DPPA4: variants seen among roughly 807,000 people sequenced by gnomAD.
DPPA4 encodes developmental pluripotency-associated protein 4.
In DPPA4, 22 loss-of-function variants were observed where a neutral mutation model predicts 33.7. The observed-to-expected ratio is 0.65, with a 90% CI of 0.47 to 0.93. The LOEUF is 0.93. Among genes scored for constraint, DPPA4 ranks in the 40% least tolerant of loss-of-function variants. The pLI, the probability that DPPA4 is intolerant of heterozygous loss-of-function variation, is 0.00. For missense variants in DPPA4, 340 were observed against 358.6 expected (o/e 0.95, Z 0.42); for synonymous variants, 156 against 132.3 (o/e 1.18, Z -1.23).
chr3:109,329,139 C>T (rs756638413), intron 5 of DPPA4, 51 bp from the exon 6 acceptor site: 85 of 1,544,302 alleles, frequency 5.5e-5, no homozygotes, highest in Non-Finnish European at 2.9e-5. Context: ...GGATGACATA[C>T]TGATGTAAGA....
rs947201148 is a variant in DPPA4 at position 109,330,602 on chromosome 3, C to G, written c.601G>C (p.Ala201Pro). ...TVVVTTSAPE[A>P]LLASWARISA... is the part of the protein sequence containing the mutation. ...ATTCTCGCCCAGGAGGCCAGCAAAG[C>G]CTCTGGGGCAGAAGTTGTCACCACA... Residue 201 changes from alanine (A) to proline (P), a missense_variant, in exon 5 of 7, where the codon GCT becomes CCT. By Grantham distance (27) the Ala-to-Pro change is conservative. This residue lies in a region of DPPA4 where 212 missense variants were observed against 206.5 expected (regional missense o/e 1.03). Transcript: ENST00000335658. 6.2e-7 allele frequency: 1 copy of G among 1,614,158 alleles called. No homozygotes were observed. Among genetic ancestry groups the G allele is most frequent in the Admixed American group, 1.7e-5 (1 of 60,022 alleles).
At chr3:109,330,334 A>G (rs202065559) in intron 5 of DPPA4, 190 bp downstream of exon 5, 24 of 37,298 alleles carry the variant, frequency 6.4e-4, no homozygotes, top group South Asian at 2.2e-3. Flanking sequence ...AAAAAAAAGG[A>G]AAAAAAAAAA....
intron 1 of DPPA4, among the ~76,000 whole-genome samples, chr3:109,336,766 G>C (rs1708223774): frequency 6.6e-6 from 1 of 152,144 alleles, no homozygotes. Flanking sequence ...AGTCCCAGTA[G>C]CACTTTGGTA....
chr3:109,331,629 G>A (rs566927708), intron 4 of DPPA4, 105 bp downstream of exon 4: 1 of 862,738 alleles, frequency 1.2e-6, no homozygotes, highest in East Asian at 2.5e-5. Context: ...CTTAGAACTA[G>A]GGGTGGAGGA....
Position 109,326,904 on chromosome 3 carries a change from T to C in DPPA4, c.*1084A>G, listed in dbSNP as rs1707947430. 1 of 152,174 alleles carries C rather than the reference T, an allele frequency of 6.6e-6. No homozygotes were observed. The highest frequency in any genetic ancestry group is 2.4e-5 in the African/African-American group (1 of 41,454). The allele number at this position is 152,174 out of a possible 1,614,324, so 9.4% of individuals were successfully genotyped here. ...AGTTAAGAACACTAACAATAAAATT[T>C]GCATGCAATGAATATGGTTCTCTAA... is the stretch of plus-strand genomic sequence containing the variant. On this transcript the variant is annotated 3_prime_UTR_variant, in exon 7 of 7. Coordinates refer to ENST00000335658, the MANE Select transcript of DPPA4 (RefSeq NM_018189.4).
rs1707932754 is a variant in DPPA4, at chr3:109,326,310, G to GGGGA, written c.*1674_*1677dup. On this transcript the variant is annotated 3_prime_UTR_variant, in exon 7 of 7. Transcript: ENST00000335658. Reference sequence around the variant, plus strand: ...AAACTTGACCCATCCAAATAAAGCAGGGGAGAAGTTTAAAAAGGAAACAAA... The same window carrying GGGGA: ...AAACTTGACCCATCCAAATAAAGCAGGGGAGGGAGAAGTTTAAAAAGGAAACAAA... 1 of 152,074 alleles carries GGGGA rather than the reference G, an allele frequency of 6.6e-6. No individual in the cohort carries two copies. The highest frequency in any genetic ancestry group is 2.4e-5 in the African/African-American group (1 of 41,390). 9.4% of individuals were successfully genotyped at this position (152,074 alleles called of 1,614,324 possible).
upstream of DPPA4, among the ~76,000 whole-genome samples, chr3:109,338,496 C>G (rs1708254981): frequency 6.6e-6 from 1 of 152,206 alleles, no homozygotes. Context: ...GAAACCCTCC[C>G]TTGTCAGGGT....
At chr3:109,339,322 C>T (rs1265314312), upstream of DPPA4, among the ~76,000 whole-genome samples, 1 of 152,214 alleles carries the variant, frequency 6.6e-6, no homozygotes, top group East Asian at 1.9e-4. Flanking sequence ...CCTTCACTAG[C>T]TGTGTGACCT....
chr3:109,336,950 G>A (rs1391339612), intron 1 of DPPA4, among the ~76,000 whole-genome samples: 1 of 151,968 alleles, frequency 6.6e-6, no homozygotes, highest in African/African-American at 2.4e-5. Context: ...CCCAAGCTGG[G>A]GGTGCAATGG....
rs537390228 is a variant in DPPA4 at position 109,330,839 on chromosome 3, T to TA, written c.391-28dup. On this transcript the variant is annotated intron_variant, in intron 4 of 6. Coordinates refer to ENST00000335658, the MANE Select transcript of DPPA4 (RefSeq NM_018189.4). ...TACAAAAAGGGTTAAATAATAAAGA[T>TA]AAAAATACAGATTAAAATTCTAACA... 488 of 1,550,958 alleles carry TA rather than the reference T, an allele frequency of 3.1e-4. 2 individuals carry two copies. The African/African-American group carries it at 6.4e-3, about 20-fold the overall frequency.
At chr3:109,331,564 A>AAAAAAAAG (rs1559708949) in intron 4 of DPPA4, among the ~76,000 whole-genome samples, 170 bp downstream of exon 4, 24 of 106,146 alleles carry the variant, frequency 2.3e-4, no homozygotes, top group Non-Finnish European at 3.4e-4. Flanking sequence ...AAAAAAAAAA[A>AAAAAAAAG]AAAGAAAGAA....
chr3:109,333,999 G>C lies in DPPA4; in HGVS notation c.55-6C>G, dbSNP rs762833482. ...GACTTCTCTGTGGAGGTCCACTGGG[G>C]AACAGAGGAGCTGGTCAGTCATTCC... On this transcript the variant is annotated splice_polypyrimidine_tract_variant and splice_region_variant and intron_variant, in intron 1 of 6. Transcript: ENST00000335658. 6.2e-7 allele frequency: 1 copy of C among 1,613,678 alleles called. No homozygotes were observed. The highest frequency in any genetic ancestry group is 1.1e-5 in the South Asian group (1 of 90,968).
chr3:109,331,382 G>C (rs1307970099), intron 4 of DPPA4, among the ~76,000 whole-genome samples: 2 of 150,628 alleles, frequency 1.3e-5, no homozygotes, highest in Non-Finnish European at 3.0e-5. Flanking sequence ...CCAGCACTTT[G>C]GGAGGCCGAA....
At chr3:109,328,560 C>T (rs1412836602) in intron 6 of DPPA4, among the ~76,000 whole-genome samples, 1 of 152,112 alleles carries the variant, frequency 6.6e-6, no homozygotes, top group Non-Finnish European at 1.5e-5. Flanking sequence ...TACATGCCCA[C>T]CATCCCTGTT....
At position 109,330,580 on chromosome 3, in the gene DPPA4, C is replaced by T; in HGVS notation, c.623G>A (p.Arg208Lys). ...APEALLASWA[R>K]ISARARTPEA... ...TGGTGTCCTCGCCCTGGCTGAAATT[C>T]TCGCCCAGGAGGCCAGCAAAGCCTC... The change falls in exon 5 of 7, where the codon AGA becomes AAA. Residue 208 changes from arginine to lysine, a missense_variant. Physicochemically the swap from Arg to Lys is conservative, Grantham distance 26. Around this residue, in one of 3 missense-constraint regions of DPPA4, gnomAD observed 212 missense variants for 206.5 expected, o/e 1.03. Transcript: ENST00000335658. The T allele has an allele frequency of 6.2e-7, 1 of 1,614,110 alleles. No homozygotes were observed. The highest frequency in any genetic ancestry group is 1.1e-5 in the South Asian group (1 of 91,076).
chr3:109,332,132 TTG>T (rs1708094881), intron 2 of DPPA4, 101 bp from the exon 3 acceptor site: 2 of 1,174,604 alleles, frequency 1.7e-6, no homozygotes, highest in Non-Finnish European at 2.4e-6. Flanking sequence ...AGACAGAATC[TTG>T]CTCTGTCGCC....
intron 5 of DPPA4, chr3:109,329,664 T>A (rs960858466): frequency 6.5e-6 from 1 of 154,232 alleles, no homozygotes; most frequent in African/African-American, 2.4e-5. Context: ...AAGGGCTTCA[T>A]GAAATAAGCT....
Position 109,336,769 on chromosome 3 carries a change from C to G in DPPA4, c.54+695G>C, listed in dbSNP as rs1226414162. Among the ~76,000 whole-genome samples, 3 of 152,296 alleles carry G rather than the reference C, an allele frequency of 2.0e-5. No homozygotes were observed. In the East Asian group the frequency reaches 5.8e-4, roughly 29 times the overall value. ...GCGGGCGCCTGCAGTCCCAGTAGCA[C>G]TTTGGTAAGCCGAGGTGGGAGGATC... On this transcript the variant is annotated intron_variant, in intron 1 of 6. Transcript: ENST00000335658.
chr3:109,332,975 A>G (rs141892513), intron 2 of DPPA4, among the ~76,000 whole-genome samples: 54 of 152,204 alleles, frequency 3.5e-4, no homozygotes, highest in African/African-American at 1.2e-3. Context: ...AATCCCAGCT[A>G]CTTGGGAGGC....
Sources: allele counts gnomAD v4.1 joint callset (sites outside exome capture counted in the v4.1 genomes callset), GRCh38; gene constraint gnomAD v4.1.1; regional missense constraint gnomAD v4.1.1; transcripts MANE v1.5; gene names NCBI Gene and HGNC (gene_info 2026-07-23, HGNC 2026-07-21).